The following NLRC3 variants were observed in gnomAD, a reference collection of about 807,000 sequenced individuals.
NLRC3 encodes NLR family CARD domain-containing protein 3.
NLRC3 carries 87 observed loss-of-function variants against 91.6 expected under a neutral mutation model. The ratio of observed to expected loss-of-function variants is 0.95; its 90% CI spans 0.80 to 1.14. The LOEUF is 1.14. Among genes scored for constraint, NLRC3 ranks in the 50% most tolerant of loss-of-function variants. The pLI, the probability that NLRC3 is intolerant of heterozygous loss-of-function variation, is 0.00. For synonymous variants in NLRC3, 694 were observed against 625.3 expected, an observed-to-expected ratio of 1.11 and a Z score of -1.64; for missense variants, 1,577 against 1,418.6, an observed-to-expected ratio of 1.11 and a Z score of -1.79.
At position 3,563,569 on chromosome 16, in the gene NLRC3, C is replaced by G. The variant is rs367996033; in HGVS notation, c.1368G>C (p.Leu456=). 6.2e-7 allele frequency: 1 copy of G among 1,612,482 alleles called. No individual in the cohort carries two copies. The highest frequency in any genetic ancestry group is 1.1e-5 in the South Asian group (1 of 90,812). Residue 456 remains leucine, a synonymous_variant, in exon 5 of 20, where the codon CTG becomes CTC. Transcript: ENST00000359128. ...ASSVAYCFTH[L]SLQEFVAAAY... ...CGGCTGCCACAAACTCCTGCAGGGA[C>G]AGGTGGGTGAAGCAGTAGGCCACTG...
chr16:3,542,366 A>T (rs1339601478), intron 18 of NLRC3, 92 bp from the exon 19 acceptor site: 2 of 810,334 alleles, frequency 2.5e-6, no homozygotes, highest in South Asian at 1.5e-5. Context: ...GGGGGCAGTA[A>T]CCCAGGCAGA....
intron 16 of NLRC3, 132 bp from the exon 17 acceptor site, chr16:3,543,640 T>C (rs976337329): frequency 1.5e-6 from 1 of 671,420 alleles, no homozygotes; most frequent in African/African-American, 1.8e-5. Flanking sequence ...TGGCCAGCGC[T>C]GTGTCTAGGC....
chr16:3,546,327 G>A (rs1021594700), intron 15 of NLRC3, among the ~76,000 whole-genome samples: 1 of 151,800 alleles, frequency 6.6e-6, no homozygotes, highest in African/African-American at 2.4e-5. Flanking sequence ...AGGCCAAGGT[G>A]GAAGGATCAC....
intron 8 of NLRC3, chr16:3,555,843 A>C (rs1350733928): frequency 1.3e-5 from 2 of 151,480 alleles, no homozygotes; most frequent in Non-Finnish European, 3.0e-5. Flanking sequence ...TGGCCTCCCA[A>C]AGTGCTGGGA....
chr16:3,541,992 C>T, intron 19 of NLRC3, 77 bp from the exon 20 acceptor site: 1 of 908,100 alleles, frequency 1.1e-6, no homozygotes, highest in Non-Finnish European at 1.8e-6. Context: ...ATAGAAAATG[C>T]AGGACCCCAT....
Position 3,563,610 on chromosome 16 carries a change from C to CCT in NLRC3, c.1325_1326dup (p.Glu443ArgfsTer154). 1 of 1,613,342 alleles carries CCT rather than the reference C, an allele frequency of 6.2e-7. No individual in the cohort carries two copies. The highest frequency in any genetic ancestry group is 8.5e-7 in the Non-Finnish European group (1 of 1,179,784). On this transcript the variant is annotated frameshift_variant, in exon 5 of 20. Transcript: ENST00000359128. LOFTEE classifies it high-confidence loss of function. ...TAGGCCACTGACGATGCCAACGTCTCCTCTCTCTGCAGGAAGCAGCTGCAC... is the reference window on the plus strand; with the variant it reads ...TAGGCCACTGACGATGCCAACGTCTCCTCTCTCTCTGCAGGAAGCAGCTGCAC...
rs1247160376 is a variant in NLRC3 at position 3,539,156 on chromosome 16, G to A, written c.*2669C>T. On this transcript the variant is annotated 3_prime_UTR_variant, in exon 20 of 20. Coordinates refer to ENST00000359128, the MANE Select transcript of NLRC3 (RefSeq NM_178844.4). ...AAGAAGAAATAGATCCCTCTCATTAGCACTTTAATATCAGTGTCACGTGTC... is the reference window on the plus strand; with the variant it reads ...AAGAAGAAATAGATCCCTCTCATTAACACTTTAATATCAGTGTCACGTGTC... 1 of 152,124 alleles carries A rather than the reference G, an allele frequency of 6.6e-6. No homozygotes were observed. Among genetic ancestry groups the A allele is most frequent in the African/African-American group, 2.4e-5 (1 of 41,418 alleles). The allele number at this position is 152,124 out of a possible 1,614,324, so 9.4% of individuals were successfully genotyped here. A position where few individuals can be genotyped will look rare whatever the true frequency, so the allele number is the denominator to read the frequency against.
chr16:3,570,125 T>G (rs1358988138), intron 1 of NLRC3, among the ~76,000 whole-genome samples: 2 of 152,152 alleles, frequency 1.3e-5, no homozygotes, highest in East Asian at 3.9e-4. Context: ...CTGACACCAG[T>G]GCGTGTGCTG....
chr16:3,575,547 G>T (rs1192424274), intron 1 of NLRC3, among the ~76,000 whole-genome samples: 1 of 152,210 alleles, frequency 6.6e-6, no homozygotes, highest in Non-Finnish European at 1.5e-5. Context: ...AGGTGCCACT[G>T]CTGCCTCCTC....
chr16:3,549,145 A>G lies in NLRC3; in HGVS notation c.2600T>C (p.Leu867Pro). ...ALCANSTLKN[L>P]DLTANLLHDQ... is the part of the protein sequence containing the mutation. ...GTCACAGGCCCCCACCACGTACTCC[A>G]GGTTCTTCAGGGTGCTGTTGGCGCA... Residue 867 changes from leucine (L) to proline (P), a missense_variant, in exon 13 of 20, where the codon CTG becomes CCG. Coordinates refer to ENST00000359128, the MANE Select transcript of NLRC3 (RefSeq NM_178844.4). 6.4e-7 allele frequency: 1 copy of G among 1,572,380 alleles called. No homozygotes were observed. Among genetic ancestry groups the G allele is most frequent in the Non-Finnish European group, 8.6e-7 (1 of 1,157,704 alleles).
Position 3,541,919 on chromosome 16 carries a change from G to A in NLRC3, c.3108-4C>T, listed in dbSNP as rs746595071. 6.3e-7 allele frequency: 1 copy of A among 1,575,584 alleles called. No individual in the cohort carries two copies. The highest frequency in any genetic ancestry group is 2.2e-5 in the East Asian group (1 of 44,644). ...CCCAATGTGGTTTCCCTGGAGACTA[G>A]AAGAGTAGGGTTAAGGCAGGGCTCA... On this transcript the variant is annotated splice_polypyrimidine_tract_variant and splice_region_variant and intron_variant, in intron 19 of 19. Transcript: ENST00000359128.
rs1039208202 is a variant in NLRC3 at position 3,571,729 on chromosome 16, C to G, written c.-168-4405G>C. Among the ~76,000 whole-genome samples, 4 of 151,696 alleles carry G rather than the reference C, an allele frequency of 2.6e-5. No homozygotes were observed. The South Asian group carries it at 6.2e-4, about 24-fold the overall frequency. Reference sequence around the variant, plus strand: ...GGCTGAGGCGGGTGGATCACAAGGTCAAGAGATCAAGACCAGCCTGGCCAA... The same window carrying G: ...GGCTGAGGCGGGTGGATCACAAGGTGAAGAGATCAAGACCAGCCTGGCCAA... On this transcript the variant is annotated intron_variant, in intron 1 of 19. Coordinates refer to ENST00000359128, the MANE Select transcript of NLRC3 (RefSeq NM_178844.4).
At chr16:3,568,261 A>T (rs544070984) in intron 1 of NLRC3, among the ~76,000 whole-genome samples, 2 of 152,348 alleles carry the variant, frequency 1.3e-5, no homozygotes, top group South Asian at 4.1e-4. Context: ...CATTCAGGTC[A>T]TGGTGTTGAA....
rs2151078285 is a variant in NLRC3, at chr16:3,541,513, G to A, written c.*312C>T. Reference sequence around the variant, plus strand: ...AGGTTGGGGACACATGAAGTCCTCAGGGTGTAAAGCTGGAACCAGCCTCCT... The same window carrying A: ...AGGTTGGGGACACATGAAGTCCTCAAGGTGTAAAGCTGGAACCAGCCTCCT... On this transcript the variant is annotated 3_prime_UTR_variant, in exon 20 of 20. Coordinates refer to ENST00000359128, the MANE Select transcript of NLRC3 (RefSeq NM_178844.4). The A allele has an allele frequency of 3.2e-6, 1 of 313,474 alleles. No homozygotes were observed. The highest frequency in any genetic ancestry group is 9.9e-4 in the Middle Eastern group (1 of 1,008). The allele number at this position is 313,474 out of a possible 1,614,324, so 19.4% of individuals were successfully genotyped here.
intron 5 of NLRC3, among the ~76,000 whole-genome samples, chr16:3,562,077 C>G (rs560472611): frequency 4.3e-4 from 65 of 152,190 alleles, no homozygotes; most frequent in Non-Finnish European, 7.6e-4. Context: ...CAGCCTGTGT[C>G]CTTTCCTCCC....
intron 1 of NLRC3, among the ~76,000 whole-genome samples, chr16:3,569,397 A>AGATATATATATATATATATATTTTT (rs2040013423): frequency 7.3e-5 from 3 of 41,048 alleles, no homozygotes; most frequent in African/African-American, 3.7e-4. Context: ...TATATATATT[A>AGATATATATATATATATATATTTTT]TTTTTTTTTT....
At chr16:3,571,618 A>T (rs1307765799) in intron 1 of NLRC3, among the ~76,000 whole-genome samples, 1 of 151,516 alleles carries the variant, frequency 6.6e-6, no homozygotes, top group Non-Finnish European at 1.5e-5. Context: ...TAAAATATTA[A>T]ATAATTAAAT....
chr16:3,560,968 A>G (rs1330439404), intron 6 of NLRC3, among the ~76,000 whole-genome samples: 1 of 151,954 alleles, frequency 6.6e-6, no homozygotes. Context: ...CACAAGATGC[A>G]ATTTTAATTA....
chr16:3,545,364 G>C (rs1004808966), intron 15 of NLRC3: 1 of 152,032 alleles, frequency 6.6e-6, no homozygotes, highest in African/African-American at 2.4e-5. Flanking sequence ...GCTGGGAGTG[G>C]TGGAGGGCAC....
Sources: allele counts gnomAD v4.1 joint callset (sites outside exome capture counted in the v4.1 genomes callset), GRCh38; gene constraint gnomAD v4.1.1; transcripts MANE v1.5; gene names NCBI Gene and HGNC (gene_info 2026-07-23, HGNC 2026-07-21).